IPMK: variants seen among roughly 807,000 people sequenced by gnomAD.
IPMK encodes the protein inositol polyphosphate multikinase.
In IPMK, 17 loss-of-function variants were observed where a neutral mutation model predicts 45.8. The observed-to-expected ratio is 0.37, with a 90% CI of 0.25 to 0.56. IPMK has a LOEUF of 0.56. Among genes scored for constraint, IPMK ranks in the 20% least tolerant of loss-of-function variants. The pLI, the probability that IPMK is intolerant of heterozygous loss-of-function variation, is 0.79. For synonymous variants in IPMK, 180 were observed against 184.3 expected, an observed-to-expected ratio of 0.98 and a Z score of 0.19; for missense variants, 399 against 498.0, an observed-to-expected ratio of 0.80 and a Z score of 1.89.
intron 4 of IPMK, among the ~76,000 whole-genome samples, chr10:58,206,848 CT>C (rs1413265089): frequency 3.3e-5 from 5 of 152,114 alleles, no homozygotes; most frequent in African/African-American, 1.2e-4. Context: ...CAAAACCTAG[CT>C]CCCACTTGTG....
rs1837886973 is a variant in IPMK at position 58,196,010 on chromosome 10, T to C, written c.*66A>G. The C allele has an allele frequency of 1.4e-6, 2 of 1,423,882 alleles. No homozygotes were observed. Among genetic ancestry groups the C allele is most frequent in the Admixed American group, 4.2e-5 (2 of 47,550 alleles). 88.2% of individuals were successfully genotyped at this position (1,423,882 alleles called of 1,614,324 possible). A position where few individuals can be genotyped will look rare whatever the true frequency, so the allele number is the denominator to read the frequency against. ...CAAATTTTTTACATAGCATTAAAGG[T>C]GCAGATATTGACTGCCCCTCTTCAT... On this transcript the variant is annotated 3_prime_UTR_variant, in exon 6 of 6. Transcript: ENST00000373935.
Position 58,216,223 on chromosome 10 carries a change from G to A in IPMK, c.468C>T (p.Ala156=), listed in dbSNP as rs375319742. 69 of 1,611,546 alleles carry A rather than the reference G, an allele frequency of 4.3e-5. 2 individuals are homozygous for A. The South Asian group carries it at 5.4e-4, about 13-fold the overall frequency. The change falls in exon 4 of 6, where the codon GCC becomes GCT. Residue 156 remains alanine (A), a synonymous_variant. Transcript: ENST00000373935. ...KIGQKSYDPF[A]SSEKIQQQVS... ...CCTGTTGCTGAATCTTCTCAGATGA[G>A]GCAAAAGGATCATAGCTTTTTTGCC...
chr10:58,232,070 A>T (rs189268150), intron 2 of IPMK, among the ~76,000 whole-genome samples: 4 of 152,346 alleles, frequency 2.6e-5, no homozygotes, highest in African/African-American at 7.2e-5. Flanking sequence ...AAAGATCAAA[A>T]GAGACAAAGA....
intron 1 of IPMK, among the ~76,000 whole-genome samples, chr10:58,244,731 T>C (rs1838769495): frequency 3.3e-5 from 5 of 152,308 alleles, no homozygotes; most frequent in Admixed American, 3.3e-4. Context: ...GCTGTTAATC[T>C]ATAACCTTAC....
intron 4 of IPMK, among the ~76,000 whole-genome samples, chr10:58,215,816 C>A (rs911137511): frequency 1.6e-4 from 24 of 152,076 alleles, no homozygotes; most frequent in Non-Finnish European, 2.8e-4. Flanking sequence ...AACAATATCA[C>A]ATTTACATTT....
At chr10:58,238,829 G>C (rs577963430) in intron 1 of IPMK, among the ~76,000 whole-genome samples, 2 of 151,054 alleles carry the variant, frequency 1.3e-5, no homozygotes, top group Non-Finnish European at 2.9e-5. Flanking sequence ...AAGAGATACA[G>C]AAATCAAGTT....
In IPMK at chr10:58,196,307, C is replaced by T; in HGVS notation, c.1020G>A (p.Leu340=). ...HSQTSLKVEN[L]EQDNGWKSMS... ...TGCTTTTCCACCCATTGTCTTGCTC[C>T]AGATTTTCAACTTTCAATGAAGTCT... Residue 340 remains leucine (L), a synonymous_variant, in exon 6 of 6, where the codon CTG becomes CTA. Transcript: ENST00000373935. The T allele has an allele frequency of 6.2e-7, 1 of 1,614,138 alleles. No homozygotes were observed. The highest frequency in any genetic ancestry group is 8.5e-7 in the Non-Finnish European group (1 of 1,180,020).
At chr10:58,201,082 G>A (rs1837989893) in intron 4 of IPMK, among the ~76,000 whole-genome samples, 1 of 152,146 alleles carries the variant, frequency 6.6e-6, no homozygotes, top group Non-Finnish European at 1.5e-5. Context: ...AAGAAACAAA[G>A]TGTTTAAGGT....
intron 2 of IPMK, among the ~76,000 whole-genome samples, chr10:58,232,281 G>C (rs535417757): frequency 6.6e-6 from 1 of 152,176 alleles, no homozygotes; most frequent in African/African-American, 2.4e-5. Context: ...CAACGAGACA[G>C]AAGGTTAATA....
chr10:58,198,751 T>C (rs1837945088), intron 5 of IPMK, among the ~76,000 whole-genome samples: 1 of 152,194 alleles, frequency 6.6e-6, no homozygotes. Flanking sequence ...TAACAGATTT[T>C]ATTTAAATCA....
chr10:58,204,415 T>A (rs1389640053), intron 4 of IPMK, among the ~76,000 whole-genome samples: 1 of 152,202 alleles, frequency 6.6e-6, no homozygotes, highest in Non-Finnish European at 1.5e-5. Context: ...ATTTTGCGAC[T>A]TCTTTGCAGA....
In IPMK at chr10:58,194,841, T is replaced by C. The variant is rs1837868922; in HGVS notation, c.*1235A>G. The C allele has an allele frequency of 6.6e-6, 1 of 151,888 alleles. No homozygotes were observed. Among genetic ancestry groups the C allele is most frequent in the South Asian group, 2.1e-4 (1 of 4,830 alleles). 9.4% of individuals were successfully genotyped at this position (151,888 alleles called of 1,614,324 possible). ...AGTTTTAAATGTTTTAAATGACAAA[T>C]AACTAGTTGATTTTTTTTTAAGGTG... On this transcript the variant is annotated 3_prime_UTR_variant, in exon 6 of 6. Coordinates refer to ENST00000373935, the MANE Select transcript of IPMK (RefSeq NM_152230.5).
intron 4 of IPMK, among the ~76,000 whole-genome samples, chr10:58,200,287 T>C (rs1418443868): frequency 6.6e-6 from 1 of 151,822 alleles, no homozygotes; most frequent in East Asian, 1.9e-4. Context: ...GCCAGGTAAT[T>C]TTTGTATTTT....
intron 1 of IPMK, among the ~76,000 whole-genome samples, chr10:58,266,965 T>A (rs981587962): frequency 3.9e-5 from 6 of 152,156 alleles, no homozygotes; most frequent in Non-Finnish European, 5.9e-5. Flanking sequence ...TTTCTTCCCC[T>A]CCAGCTATGC....
At chr10:58,239,918 ATG>A (rs1838671914) in intron 1 of IPMK, among the ~76,000 whole-genome samples, 1 of 152,206 alleles carries the variant, frequency 6.6e-6, no homozygotes, top group Admixed American at 6.5e-5. Context: ...AGGAAAGGGC[ATG>A]TACTGCACGG....
rs1837829059 is a variant in IPMK at position 58,192,260 on chromosome 10, A to C, written c.*3816T>G. The C allele has an allele frequency of 6.6e-6, 1 of 151,980 alleles. No individual in the cohort carries two copies. 9.4% of individuals were successfully genotyped at this position (151,980 alleles called of 1,614,324 possible). On this transcript the variant is annotated 3_prime_UTR_variant, in exon 6 of 6. Coordinates refer to ENST00000373935, the MANE Select transcript of IPMK (RefSeq NM_152230.5). ...AGTGATGTTAAGATTGAGGCCTAAA[A>C]CTGTTGTACTAAATTGTAAAATACA...
At chr10:58,262,060 A>G (rs1237928784) in intron 1 of IPMK, among the ~76,000 whole-genome samples, 1 of 151,944 alleles carries the variant, frequency 6.6e-6, no homozygotes, top group Admixed American at 6.6e-5. Flanking sequence ...ACTTGGACAC[A>G]GGGCAGGGAA....
At chr10:58,245,580 C>A (rs1838786176) in intron 1 of IPMK, among the ~76,000 whole-genome samples, 1 of 148,966 alleles carries the variant, frequency 6.7e-6, no homozygotes, top group South Asian at 2.1e-4. Context: ...CCACTGCACT[C>A]CAGCCTGGGT....
At chr10:58,206,316 T>C (rs1838070860) in intron 4 of IPMK, among the ~76,000 whole-genome samples, 2 of 152,246 alleles carry the variant, frequency 1.3e-5, no homozygotes, top group South Asian at 4.1e-4. Context: ...AGGAAATTGG[T>C]AGGGACTGCT....
Sources: allele counts gnomAD v4.1 joint callset (sites outside exome capture counted in the v4.1 genomes callset), GRCh38; gene constraint gnomAD v4.1.1; transcripts MANE v1.5; gene names NCBI Gene and HGNC (gene_info 2026-07-23, HGNC 2026-07-21).